Variants in LEKR1 observed in about 807,000 individuals in gnomAD.
LEKR1 encodes the protein leucine, glutamate and lysine rich 1, also known as protein LEKR1.
In LEKR1, 59 loss-of-function variants were observed where a neutral mutation model predicts 72.4. The ratio of observed to expected loss-of-function variants is 0.82; its 90% CI spans 0.66 to 1.01. The LOEUF (loss-of-function observed/expected upper bound fraction) is 1.01. Ranked by LOEUF, LEKR1 falls within the 50% of genes least tolerant of loss-of-function variation. The probability of loss-of-function intolerance (pLI) is 0.00; values close to 1 mark genes in which losing one functional copy is unlikely to be tolerated. For synonymous variants in LEKR1, 257 were observed against 263.2 expected (o/e 0.98, Z 0.23); for missense variants, 728 against 759.2 (o/e 0.96, Z 0.48).
intron 4 of LEKR1, among the ~76,000 whole-genome samples, chr3:156,922,553 C>T (rs1724308611): frequency 6.6e-6 from 1 of 152,044 alleles, no homozygotes; most frequent in Non-Finnish European, 1.5e-5. Flanking sequence ...TTAATTTCTT[C>T]TCTCTTTTGT....
intron 3 of LEKR1, among the ~76,000 whole-genome samples, chr3:156,916,316 A>G (rs1723644911): frequency 6.6e-6 from 1 of 151,720 alleles, no homozygotes; most frequent in Non-Finnish European, 1.5e-5. Context: ...ATTGTTAGAC[A>G]GGAATAGTAT....
At chr3:156,931,169 C>A (rs1280306228) in intron 5 of LEKR1, among the ~76,000 whole-genome samples, 1 of 151,838 alleles carries the variant, frequency 6.6e-6, no homozygotes, top group Non-Finnish European at 1.5e-5. Context: ...AACTGTTGTC[C>A]CAGTTACATA....
chr3:156,979,149 C>A, intron 6 of LEKR1, 45 bp from the exon 7 acceptor site: 1 of 831,866 alleles, frequency 1.2e-6, no homozygotes, highest in Non-Finnish European at 1.8e-6. Flanking sequence ...AATATCTGGA[C>A]ACTTAAAATG....
chr3:156,882,162 A>G (rs1354378314), intron 3 of LEKR1, among the ~76,000 whole-genome samples: 40 of 151,812 alleles, frequency 2.6e-4, no homozygotes, highest in African/African-American at 9.7e-4. Flanking sequence ...GGATCTAATT[A>G]AACTAAAGAG....
At chr3:156,982,905 A>AGATAGATG in intron 7 of LEKR1, among the ~76,000 whole-genome samples, 1 of 137,982 alleles carries the variant, frequency 7.2e-6, no homozygotes, top group Non-Finnish European at 1.7e-5. Context: ...ATAGATAGAT[A>AGATAGATG]GATGGAAGAG....
intron 6 of LEKR1, among the ~76,000 whole-genome samples, chr3:156,965,965 A>G (rs1181315106): frequency 6.6e-6 from 1 of 152,202 alleles, no homozygotes; most frequent in Non-Finnish European, 1.5e-5. Context: ...AAACTGTGAT[A>G]TGATAATATA....
chr3:156,873,132 T>A (rs1233592135), intron 3 of LEKR1, among the ~76,000 whole-genome samples: 3 of 152,064 alleles, frequency 2.0e-5, no homozygotes, highest in Admixed American at 6.6e-5. Flanking sequence ...AATTGTTATA[T>A]GCTGTTGATG....
chr3:156,938,637 G>C (rs1725931879), intron 5 of LEKR1, among the ~76,000 whole-genome samples: 1 of 152,162 alleles, frequency 6.6e-6, no homozygotes, highest in African/African-American at 2.4e-5. Context: ...GCCTCCCAAA[G>C]TGCTGGGATT....
intron 6 of LEKR1, among the ~76,000 whole-genome samples, chr3:156,961,529 C>T (rs1292061113): frequency 1.8e-4 from 27 of 152,136 alleles, no homozygotes; most frequent in Non-Finnish European, 1.5e-5. Flanking sequence ...ATACAATATG[C>T]GGTCTTTTGT....
rs559680973 is a variant in LEKR1, at chr3:156,856,123, A to G, written c.263+3141A>G. Among the ~76,000 whole-genome samples the G allele has an allele frequency of 2.5e-4, 38 of 152,316 alleles. No homozygotes were observed. The South Asian group carries it at 7.7e-3, about 31-fold the overall frequency. ...AGTATTAGAATTAGCTTTTTAATCT[A>G]TTTAGTATTAATTTTGTATATAATT... On this transcript the variant is annotated intron_variant, in intron 3 of 12. Coordinates refer to ENST00000356539, the MANE Select transcript of LEKR1 (RefSeq NM_001004316.3).
At chr3:156,917,547 T>G (rs552011220) in intron 3 of LEKR1, among the ~76,000 whole-genome samples, 1 of 152,052 alleles carries the variant, frequency 6.6e-6, no homozygotes, top group African/African-American at 2.4e-5. Flanking sequence ...GAAATAGAAA[T>G]GGGAATGTCA....
chr3:156,840,739 A>G (rs1347494097), intron 2 of LEKR1, among the ~76,000 whole-genome samples: 6 of 152,232 alleles, frequency 3.9e-5, no homozygotes, highest in Admixed American at 6.5e-5. Flanking sequence ...AGAGAAGTCC[A>G]TTTACATTTA....
chr3:156,903,256 A>C (rs1423214882), intron 3 of LEKR1, among the ~76,000 whole-genome samples: 1 of 152,070 alleles, frequency 6.6e-6, no homozygotes, highest in Non-Finnish European at 1.5e-5. Flanking sequence ...CTCACTTTTG[A>C]TATATCTTTG....
At chr3:157,011,183 A>G (rs905481815) in intron 9 of LEKR1, among the ~76,000 whole-genome samples, 3 of 152,122 alleles carry the variant, frequency 2.0e-5, no homozygotes, top group African/African-American at 7.2e-5. Context: ...ATAATATCTT[A>G]TTACTTATTA....
intron 6 of LEKR1, among the ~76,000 whole-genome samples, chr3:156,965,687 A>G (rs892433782): frequency 2.0e-5 from 3 of 152,230 alleles, no homozygotes; most frequent in Admixed American, 1.3e-4. Context: ...AAATAGATGT[A>G]AATTAAACCT....
chr3:156,963,799 G>C (rs1728326760), intron 6 of LEKR1, among the ~76,000 whole-genome samples: 1 of 152,152 alleles, frequency 6.6e-6, no homozygotes, highest in African/African-American at 2.4e-5. Context: ...GGACTACACA[G>C]CTACTAATCA....
At chr3:156,906,771 T>C (rs1459853391) in intron 3 of LEKR1, among the ~76,000 whole-genome samples, 1 of 152,204 alleles carries the variant, frequency 6.6e-6, no homozygotes, top group East Asian at 1.9e-4. Context: ...GTTAGATGGC[T>C]TGAGAAGCTA....
intron 3 of LEKR1, among the ~76,000 whole-genome samples, chr3:156,917,606 G>T (rs1403453180): frequency 6.6e-6 from 1 of 152,140 alleles, no homozygotes; most frequent in African/African-American, 2.4e-5. Flanking sequence ...ATGGAATGGT[G>T]TCCTAATCTT....
At chr3:157,014,984 T>C (rs1213305227) in intron 10 of LEKR1, among the ~76,000 whole-genome samples, 1 of 152,090 alleles carries the variant, frequency 6.6e-6, no homozygotes, top group Non-Finnish European at 1.5e-5. Context: ...CCCTCCTACC[T>C]AAAACAAATA....
Sources: gnomAD v4.1 joint callset for allele counts (sites outside exome capture counted in the v4.1 genomes callset) on GRCh38, gnomAD v4.1.1 for gene constraint, MANE v1.5 for transcripts, NCBI Gene and HGNC (gene_info 2026-07-23, HGNC 2026-07-21) for gene names.